The following OSBPL1A variants were observed in gnomAD, a reference collection of about 807,000 sequenced individuals.
OSBPL1A encodes oxysterol binding protein like 1A, also known as oxysterol-binding protein-related protein 1.
Under a neutral mutation model 137.1 loss-of-function variants are expected in OSBPL1A, and 80 were observed. The observed-to-expected ratio is 0.58, with a 90% CI of 0.49 to 0.70. The LOEUF (loss-of-function observed/expected upper bound fraction) is 0.70, where lower values mean the gene tolerates loss of function less well. Ranked by LOEUF, OSBPL1A falls within the 30% of genes least tolerant of loss-of-function variation. OSBPL1A has a pLI of 0.00. For synonymous variants in OSBPL1A, 365 were observed against 389.7 expected, an observed-to-expected ratio of 0.94 and a Z score of 0.75; for missense variants, 970 against 1,129.4, an observed-to-expected ratio of 0.86 and a Z score of 2.02.
At chr18:24,359,408 A>G (rs949945122) in intron 4 of OSBPL1A, among the ~76,000 whole-genome samples, 2 of 151,654 alleles carry the variant, frequency 1.3e-5, no homozygotes, top group African/African-American at 4.8e-5. Flanking sequence ...GTGTTTTACA[A>G]GCATTCTCAG....
At chr18:24,253,228 T>C (rs1185433022) in intron 15 of OSBPL1A, among the ~76,000 whole-genome samples, 1 of 137,092 alleles carries the variant, frequency 7.3e-6, no homozygotes. Context: ...CTACAGGAAA[T>C]GCATTTCACC....
chr18:24,309,060 C>T (rs959877681), intron 13 of OSBPL1A, among the ~76,000 whole-genome samples: 2 of 152,130 alleles, frequency 1.3e-5, no homozygotes, highest in African/African-American at 4.8e-5. Context: ...CGTAAGCCAC[C>T]GTGCCCAGCT....
At chr18:24,347,480 C>T (rs991084774) in intron 4 of OSBPL1A, among the ~76,000 whole-genome samples, 1 of 152,096 alleles carries the variant, frequency 6.6e-6, no homozygotes, top group Non-Finnish European at 1.5e-5. Flanking sequence ...CCACAGCGCC[C>T]GGCCGTAAAG....
intron 2 of OSBPL1A, among the ~76,000 whole-genome samples, chr18:24,369,971 C>A (rs757299632): frequency 5.7e-4 from 87 of 152,286 alleles, no homozygotes; most frequent in Non-Finnish European, 1.1e-3. Context: ...CCTGTAATGC[C>A]AGCATTTTAG....
intron 16 of OSBPL1A, among the ~76,000 whole-genome samples, chr18:24,231,611 T>A (rs1478679153): frequency 6.6e-6 from 1 of 152,230 alleles, no homozygotes; most frequent in African/African-American, 2.4e-5. Flanking sequence ...GTTCTGTCCA[T>A]GTTAGAACTC....
At chr18:24,354,574 C>T (rs1008279463) in intron 4 of OSBPL1A, among the ~76,000 whole-genome samples, 1 of 151,688 alleles carries the variant, frequency 6.6e-6, no homozygotes, top group Non-Finnish European at 1.5e-5. Context: ...TCAATGGGCT[C>T]ATCAGTAGAT....
chr18:24,376,102 AGTGT>A (rs1906108464), intron 2 of OSBPL1A, among the ~76,000 whole-genome samples: 1 of 152,192 alleles, frequency 6.6e-6, no homozygotes, highest in South Asian at 2.1e-4. Context: ...AAGCTTCCAC[AGTGT>A]GGAAGGGGAC....
intron 7 of OSBPL1A, among the ~76,000 whole-genome samples, chr18:24,322,953 AG>A (rs2090893050): frequency 6.6e-6 from 1 of 152,254 alleles, no homozygotes; most frequent in Non-Finnish European, 1.5e-5. Flanking sequence ...AATATTTAAA[AG>A]TTTGCATGAC....
intron 17 of OSBPL1A, among the ~76,000 whole-genome samples, chr18:24,202,462 G>A (rs754340932): frequency 6.6e-6 from 1 of 152,134 alleles, no homozygotes; most frequent in African/African-American, 2.4e-5. Context: ...TTCTCACTAC[G>A]TAGGAGCTCT....
chr18:24,225,192 TCG>T lies in OSBPL1A; in HGVS notation c.1449_1450del (p.Glu484ValfsTer7), dbSNP rs763499445. 1 of 1,614,056 alleles carries T rather than the reference TCG, an allele frequency of 6.2e-7. No homozygotes were observed. Among genetic ancestry groups the T allele is most frequent in the Non-Finnish European group, 8.5e-7 (1 of 1,179,936 alleles). ...CAATCTACTCAGGGACCTTTCGGAC[TCG>T]GAATCTGTGGCAGAGCAGGTTCATA... On this transcript the variant is annotated frameshift_variant, in exon 17 of 28. Coordinates refer to ENST00000319481, the MANE Select transcript of OSBPL1A (RefSeq NM_080597.4). LOFTEE classifies it high-confidence loss of function.
intron 21 of OSBPL1A, among the ~76,000 whole-genome samples, chr18:24,176,408 G>A (rs1320128224): frequency 6.6e-6 from 1 of 151,810 alleles, no homozygotes; most frequent in Non-Finnish European, 1.5e-5. Flanking sequence ...TTCTGCCATT[G>A]AGCCTATCCC....
intron 17 of OSBPL1A, among the ~76,000 whole-genome samples, chr18:24,217,230 T>C (rs891084159): frequency 4.6e-5 from 7 of 151,828 alleles, no homozygotes; most frequent in Non-Finnish European, 8.8e-5. Flanking sequence ...TAGGAAGCTC[T>C]TCTTTATTTT....
At chr18:24,183,041 G>T (rs1173003842) in intron 18 of OSBPL1A, among the ~76,000 whole-genome samples, 4 of 151,638 alleles carry the variant, frequency 2.6e-5, no homozygotes, top group African/African-American at 9.7e-5. Context: ...GATAATTTTT[G>T]TATTTTTTTA....
intron 14 of OSBPL1A, among the ~76,000 whole-genome samples, chr18:24,302,977 T>TTGTGTG (rs56746838): frequency 3.1e-4 from 46 of 150,008 alleles, no homozygotes; most frequent in South Asian, 8.5e-4. Context: ...AAGACATTCT[T>TTGTGTG]TGTGTGTGTG....
intron 15 of OSBPL1A, among the ~76,000 whole-genome samples, chr18:24,277,971 A>G (rs143732523): frequency 3.0e-4 from 45 of 152,364 alleles, no homozygotes; most frequent in African/African-American, 1.1e-3. Context: ...TGTTCCACGC[A>G]GTATGCTAAC....
intron 16 of OSBPL1A, among the ~76,000 whole-genome samples, chr18:24,226,750 G>A (rs1217737183): frequency 2.0e-5 from 3 of 152,038 alleles, no homozygotes; most frequent in African/African-American, 7.3e-5. Flanking sequence ...TCTCAACGCT[G>A]GACCCTATAA....
At chr18:24,254,138 G>A (rs2089195120) in intron 15 of OSBPL1A, among the ~76,000 whole-genome samples, 1 of 152,162 alleles carries the variant, frequency 6.6e-6, no homozygotes, top group Non-Finnish European at 1.5e-5. Flanking sequence ...TTATAATTTT[G>A]CAAAGGCAGT....
At chr18:24,249,231 T>C (rs2088995891) in intron 15 of OSBPL1A, among the ~76,000 whole-genome samples, 1 of 152,254 alleles carries the variant, frequency 6.6e-6, no homozygotes, top group Admixed American at 6.5e-5. Context: ...AGGATTATAT[T>C]CCTAAAAGTA....
In OSBPL1A at chr18:24,167,880, C is replaced by T. The variant is rs1026559074; in HGVS notation, c.2419-435G>A. Among the ~76,000 whole-genome samples, 9 of 152,310 alleles carry T rather than the reference C, an allele frequency of 5.9e-5. No homozygotes were observed. The East Asian group carries it at 7.7e-4, about 13-fold the overall frequency. ...TGTAAACTACATGAGGGCAGGGACA[C>T]TGTGACTTTCTAATTCTTATATCCT... On this transcript the variant is annotated intron_variant, in intron 24 of 27. Transcript: ENST00000319481.
Sources: allele counts gnomAD v4.1 joint callset (sites outside exome capture counted in the v4.1 genomes callset), GRCh38; gene constraint gnomAD v4.1.1; transcripts MANE v1.5; gene names NCBI Gene and HGNC (gene_info 2026-07-23, HGNC 2026-07-21).